The following KATNAL2 variants were observed in gnomAD, a reference collection of about 807,000 sequenced individuals.
KATNAL2 encodes the protein katanin p60 ATPase-containing subunit A-like 2.
KATNAL2 carries 52 observed loss-of-function variants against 76.3 expected under a neutral mutation model. The ratio of observed to expected loss-of-function variants is 0.68; its 90% confidence interval spans 0.55 to 0.86. The LOEUF (loss-of-function observed/expected upper bound fraction) is 0.86. Ranked by LOEUF, KATNAL2 falls within the 40% of genes least tolerant of loss-of-function variation. KATNAL2 has a pLI of 0.00. For missense variants in KATNAL2, 660 were observed against 668.9 expected (o/e 0.99, Z 0.15); for synonymous variants, 243 against 244.2 (o/e 1.00, Z 0.05).
Position 47,053,027 on chromosome 18 carries a change from C to T in KATNAL2, c.270C>T (p.Val90=). 1 of 1,602,732 alleles carries T rather than the reference C, an allele frequency of 6.2e-7. No homozygotes were observed. The highest frequency in any genetic ancestry group is 1.3e-5 in the African/African-American group (1 of 74,490). The change falls in exon 5 of 18, where the codon GTC becomes GTT. Residue 90 remains valine, a synonymous_variant. Transcript: ENST00000683218. ...AATTTCAGAAATACCCCAAAATTGT[C>T]AAAAAGTCATCAGACACAGGTACAT... is the stretch of plus-strand genomic sequence containing the variant. ...FVKFQKYPKI[V]KKSSDTAENN...
At chr18:47,079,759 G>A (rs543742029) in intron 15 of KATNAL2, among the ~76,000 whole-genome samples, 1 of 152,268 alleles carries the variant, frequency 6.6e-6, no homozygotes, top group Non-Finnish European at 1.5e-5. Flanking sequence ...TGTCCTCATG[G>A]TAGTAGGGTT....
intron 15 of KATNAL2, 189 bp from the exon 16 acceptor site, chr18:47,099,054 T>G (rs911089691): frequency 3.7e-5 from 17 of 464,742 alleles, no homozygotes; most frequent in Non-Finnish European, 6.3e-5. Context: ...CTTCCCTCCC[T>G]CAGTTCTCTT....
rs1568035117 is a variant in KATNAL2 at position 47,101,409 on chromosome 18, G to C, written c.*404G>C. 2 of 192,480 alleles carry C rather than the reference G, an allele frequency of 1.0e-5. No homozygotes were observed. Among genetic ancestry groups the C allele is most frequent in the East Asian group, 1.2e-4 (1 of 8,226 alleles). The allele number at this position is 192,480 out of a possible 1,614,324, so 11.9% of individuals were successfully genotyped here. A position where few individuals can be genotyped will look rare whatever the true frequency, so the allele number is the denominator to read the frequency against. ...GGGCAGCCAAGTAGAAGCTAAGCTTGACAGGCACTGCCCAGCTGACAGTCC... is the reference window on the plus strand; with the variant it reads ...GGGCAGCCAAGTAGAAGCTAAGCTTCACAGGCACTGCCCAGCTGACAGTCC... On this transcript the variant is annotated 3_prime_UTR_variant, in exon 18 of 18. Transcript: ENST00000683218.
intron 17 of KATNAL2, 58 bp from the exon 18 acceptor site, chr18:47,100,808 G>A: frequency 6.3e-7 from 1 of 1,598,552 alleles, no homozygotes; most frequent in South Asian, 1.1e-5. Context: ...AGCGTTTCAA[G>A]AGCATTGATC....
intron 3 of KATNAL2, among the ~76,000 whole-genome samples, chr18:46,954,260 C>A (rs889751934): frequency 6.6e-6 from 1 of 151,558 alleles, no homozygotes; most frequent in East Asian, 1.9e-4. Flanking sequence ...ACCTGGTGTC[C>A]CCATTCCTGT....
At chr18:46,962,436 A>C (rs1326080363) in intron 3 of KATNAL2, among the ~76,000 whole-genome samples, 2 of 47,388 alleles carry the variant, frequency 4.2e-5, no homozygotes. Flanking sequence ...AAAGGAGAAA[A>C]GACAAAAGGG....
chr18:47,077,469 A>G lies in KATNAL2; in HGVS notation c.1211+8A>G, dbSNP rs1276941166. On this transcript the variant is annotated splice_region_variant and intron_variant, in intron 15 of 17. Coordinates refer to ENST00000683218, the MANE Select transcript of KATNAL2 (RefSeq NM_001387690.1). ...AGCTTCTAACCTGCCGTGGTAAGAG[A>G]CCAAGAGAGTAAATTTTGAATACAT... 2 of 1,594,464 alleles carry G rather than the reference A, an allele frequency of 1.3e-6. No individual in the cohort carries two copies. Among genetic ancestry groups the G allele is most frequent in the Non-Finnish European group, 1.7e-6 (2 of 1,162,174 alleles).
intron 3 of KATNAL2, among the ~76,000 whole-genome samples, chr18:46,952,296 A>G (rs1047902469): frequency 5.3e-5 from 8 of 151,686 alleles, no homozygotes; most frequent in African/African-American, 1.9e-4. Flanking sequence ...GCTGGTTTCA[A>G]ACCCCTGGCC....
chr18:47,097,057 T>C (rs554774452), intron 15 of KATNAL2, among the ~76,000 whole-genome samples: 1 of 146,202 alleles, frequency 6.8e-6, no homozygotes, highest in South Asian at 2.2e-4. Context: ...AGGTGTAGGT[T>C]GCAGTGAGCT....
At chr18:46,936,849 G>A (rs1382857142) in intron 1 of KATNAL2, among the ~76,000 whole-genome samples, 6 of 152,058 alleles carry the variant, frequency 3.9e-5, no homozygotes, top group African/African-American at 9.7e-5. Context: ...CAGCTACTCC[G>A]GAGGCTTAGG....
intron 3 of KATNAL2, among the ~76,000 whole-genome samples, chr18:46,949,895 A>AT (rs1447228698): frequency 1.3e-5 from 2 of 152,140 alleles, no homozygotes; most frequent in East Asian, 3.9e-4. Context: ...TCATCCAATG[A>AT]TCAGGGTGAT....
At chr18:46,929,254 A>AT (rs2058831370) in intron 1 of KATNAL2, among the ~76,000 whole-genome samples, 1 of 146,254 alleles carries the variant, frequency 6.8e-6, no homozygotes, top group Non-Finnish European at 1.5e-5. Context: ...TTGTTTTTTT[A>AT]TTTTTTGAGA....
In KATNAL2 at chr18:47,037,202, A is replaced by G. The variant is rs532307486; in HGVS notation, c.52-9255A>G. Among the ~76,000 whole-genome samples the G allele has an allele frequency of 2.0e-5, 3 of 152,348 alleles. No individual in the cohort carries two copies. In the South Asian group the frequency reaches 6.2e-4, roughly 32 times the overall value. The stretch of plus-strand genomic sequence containing the variant: ...AAAGCACTAATGTTGCATGTGGTGT[A>G]TATACAGTAACATTTCCTAAATATC... On this transcript the variant is annotated intron_variant, in intron 3 of 17. Transcript: ENST00000683218.
At position 47,063,275 on chromosome 18, in the gene KATNAL2, T is replaced by C. The variant is rs368369250; in HGVS notation, c.649-9T>C. 6.8e-6 allele frequency: 11 copies of C among 1,612,784 alleles called. No individual in the cohort carries two copies. Among genetic ancestry groups the C allele is most frequent in the South Asian group, 1.1e-5 (1 of 90,792 alleles). ...ATTGTAATGTGAGCCTTTCCGCTCC[T>C]CTCATCAGGAACGACTGCTGAAACC... On this transcript the variant is annotated splice_polypyrimidine_tract_variant and intron_variant, in intron 9 of 17. Transcript: ENST00000683218.
At chr18:47,032,672 A>C (rs2060528649) in intron 3 of KATNAL2, 1 of 389,700 alleles carries the variant, frequency 2.6e-6, no homozygotes, top group Non-Finnish European at 4.6e-6. Flanking sequence ...CGAAAAAAAA[A>C]AGAAAGGAAA....
At chr18:47,046,905 A>C (rs896183048) in intron 4 of KATNAL2, among the ~76,000 whole-genome samples, 4 of 152,158 alleles carry the variant, frequency 2.6e-5, no homozygotes, top group Non-Finnish European at 4.4e-5. Context: ...CCTGTGCACC[A>C]CCGATTCCTC....
At chr18:46,949,365 A>G (rs1308777697) in intron 3 of KATNAL2, among the ~76,000 whole-genome samples, 1 of 151,714 alleles carries the variant, frequency 6.6e-6, no homozygotes, top group African/African-American at 2.4e-5. Flanking sequence ...TGATTCCCCC[A>G]CCTCAACCTC....
chr18:47,101,219 T>TAC lies in KATNAL2; in HGVS notation c.*216_*217dup, dbSNP rs1696927393. On this transcript the variant is annotated 3_prime_UTR_variant, in exon 18 of 18. Transcript: ENST00000683218. ...CAAAATATTGAGAGTTTCAGTTACATACATATATGTGCTATTGGGTCATAC... is the reference window on the plus strand; with the variant it reads ...CAAAATATTGAGAGTTTCAGTTACATACACATATATGTGCTATTGGGTCATAC... 3.8e-6 allele frequency: 2 copies of TAC among 531,582 alleles called. No homozygotes were observed. Among genetic ancestry groups the TAC allele is most frequent in the Non-Finnish European group, 6.7e-6 (2 of 297,880 alleles). The allele number at this position is 531,582 out of a possible 1,614,324, so 32.9% of individuals were successfully genotyped here.
At chr18:46,923,842 T>C (rs957518601) in intron 1 of KATNAL2, among the ~76,000 whole-genome samples, 8 of 152,266 alleles carry the variant, frequency 5.3e-5, no homozygotes, top group Non-Finnish European at 1.0e-4. Flanking sequence ...TGAGCATTTT[T>C]TCATGTGTCT....
Sources: gnomAD v4.1 joint callset for allele counts (sites outside exome capture counted in the v4.1 genomes callset) on GRCh38, gnomAD v4.1.1 for gene constraint, MANE v1.5 for transcripts, NCBI Gene and HGNC (gene_info 2026-07-23, HGNC 2026-07-21) for gene names.